Variants in SCAP observed in about 807,000 individuals in gnomAD.
The protein encoded by SCAP is SREBF chaperone, also known as sterol regulatory element-binding protein cleavage-activating protein.
Under a neutral mutation model 123.6 loss-of-function variants are expected in SCAP, and 65 were observed. The observed-to-expected ratio is 0.53, with a 90% CI of 0.43 to 0.65. SCAP has a LOEUF of 0.65. SCAP is among the 30% of genes least tolerant of loss of function. The probability of loss-of-function intolerance (pLI) is 0.00; values close to 1 mark genes in which losing one functional copy is unlikely to be tolerated. For missense variants in SCAP, 1,398 were observed against 1,712.5 expected, an observed-to-expected ratio of 0.82 and a Z score of 3.24; for synonymous variants, 740 against 726.3, an observed-to-expected ratio of 1.02 and a Z score of -0.30.
intron 1 of SCAP, among the ~76,000 whole-genome samples, chr3:47,459,817 G>A (rs548817178): frequency 9.2e-5 from 14 of 152,226 alleles, no homozygotes; most frequent in Admixed American, 2.0e-4. Context: ...GCAGAGAACC[G>A]GTCTGACCTC....
chr3:47,475,380 T>C (rs1201382571), intron 1 of SCAP: 1 of 152,252 alleles, frequency 6.6e-6, no homozygotes, highest in Non-Finnish European at 1.5e-5. Flanking sequence ...GCAACTAGCG[T>C]TGTCTCTCAA....
At chr3:47,422,561 A>G (rs1280874282) in intron 9 of SCAP, 25 bp from the exon 10 acceptor site, 1 of 1,578,926 alleles carries the variant, frequency 6.3e-7, no homozygotes, top group Admixed American at 1.7e-5. Context: ...AACAGGGCAC[A>G]GGGCAACACA....
rs1169935544 is a variant in SCAP, at chr3:47,466,136, CA to C, written c.-99+9662del. Among the ~76,000 whole-genome samples, 638 of 96,114 alleles carry C rather than the reference CA, an allele frequency of 6.6e-3. 13 individuals carry two copies. Among genetic ancestry groups the C allele is most frequent in the African/African-American group, 7.6e-3 (176 of 23,266 alleles). The allele number at this position is 96,114 out of a possible 152,430, so 63.1% of individuals were successfully genotyped here. A position where few individuals can be genotyped will look rare whatever the true frequency, so the allele number is the denominator to read the frequency against. On this transcript the variant is annotated intron_variant, in intron 1 of 22. Coordinates refer to ENST00000265565, the MANE Select transcript of SCAP (RefSeq NM_012235.4). ...AACAGAGTGAGACTGTCTTAAAAAC[CA>C]AAAAAAAAAAAAAAAAAAAAGAAAG...
intron 2 of SCAP, among the ~76,000 whole-genome samples, chr3:47,442,040 C>T (rs1204452949): frequency 6.6e-6 from 1 of 151,982 alleles, no homozygotes; most frequent in Admixed American, 6.6e-5. Context: ...CAGGGAAGAG[C>T]TTGAGATCAT....
At chr3:47,422,378 G>T in intron 10 of SCAP, 64 bp downstream of exon 10, 2 of 1,446,058 alleles carry the variant, frequency 1.4e-6, no homozygotes, top group African/African-American at 1.4e-5. Context: ...GCCCATGGCT[G>T]CACAGCTGGG....
At position 47,414,390 on chromosome 3, in the gene SCAP, G is replaced by A; in HGVS notation, c.3388-4C>T. The A allele has an allele frequency of 6.2e-7, 1 of 1,612,426 alleles. No individual in the cohort carries two copies. The highest frequency in any genetic ancestry group is 8.5e-7 in the Non-Finnish European group (1 of 1,179,974). On this transcript the variant is annotated splice_polypyrimidine_tract_variant and splice_region_variant and intron_variant, in intron 21 of 22. Coordinates refer to ENST00000265565, the MANE Select transcript of SCAP (RefSeq NM_012235.4). ...CTCCACTGGCCAGCACCATGGTCTGGGGAAACAGGCCAGGGGAGTGGGGTC... is the reference window on the plus strand; with the variant it reads ...CTCCACTGGCCAGCACCATGGTCTGAGGAAACAGGCCAGGGGAGTGGGGTC...
intron 1 of SCAP, among the ~76,000 whole-genome samples, chr3:47,455,004 TATC>T (rs1223657352): frequency 6.7e-6 from 1 of 148,596 alleles, no homozygotes; most frequent in Non-Finnish European, 1.5e-5. Flanking sequence ...AAAGTTAAAT[TATC>T]ATTATTTGCA....
Position 47,413,923 on chromosome 3 carries a change from G to A in SCAP, c.3771C>T (p.Ala1257=). The A allele has an allele frequency of 4.3e-6, 7 of 1,613,262 alleles. No homozygotes were observed. Among genetic ancestry groups the A allele is most frequent in the African/African-American group, 1.3e-5 (1 of 75,016 alleles). ...ARQILVLDNA[A]IVCNFGSELS... is the part of the protein sequence containing the mutation. ...GCTCACTGCCAAAGTTGCAGACAAT[G>A]GCAGCGTTGTCCAGCACCAGGATCT... Residue 1257 remains alanine, a synonymous_variant, in exon 23 of 23, where the codon GCC becomes GCT. Coordinates refer to ENST00000265565, the MANE Select transcript of SCAP (RefSeq NM_012235.4).
intron 2 of SCAP, among the ~76,000 whole-genome samples, chr3:47,437,385 G>A (rs1360251437): frequency 7.9e-6 from 1 of 126,670 alleles, no homozygotes; most frequent in Non-Finnish European, 1.6e-5. Flanking sequence ...TGGCGCCACT[G>A]CACTCTAGCC....
Position 47,414,000 on chromosome 3 carries a change from G to C in SCAP, c.3694C>G (p.Leu1232Val). The change falls in exon 23 of 23, where the codon CTG becomes GTG. Residue 1232 changes from leucine (L) to valine (V), a missense_variant. Physicochemically the swap from Leu to Val is conservative, Grantham distance 32 (BLOSUM62 1). Transcript: ENST00000265565. ...VSFWDLNYGDLLQTVYLGKNS... is the reference protein window; with the variant it reads ...VSFWDLNYGDVLQTVYLGKNS... ...TTCCCCAGGTAGACTGTCTGTAACA[G>C]GTCCCCGTAGTTTAGGTCCCAAAAG... is the stretch of plus-strand genomic sequence containing the variant. The C allele has an allele frequency of 6.2e-7, 1 of 1,613,292 alleles. No homozygotes were observed. The highest frequency in any genetic ancestry group is 2.2e-5 in the East Asian group (1 of 44,876).
chr3:47,443,233 T>TAC (rs60723433), intron 1 of SCAP, 142 bp from the exon 2 acceptor site: 39 of 104,816 alleles, frequency 3.7e-4, no homozygotes, highest in African/African-American at 2.1e-3. Flanking sequence ...AATCCCAAAA[T>TAC]ACACACACAC....
chr3:47,419,454 T>A lies in SCAP; in HGVS notation c.1814A>T (p.Glu605Val). The stretch of plus-strand genomic sequence containing the variant: ...TGGGACTGGGCTGTCATGGACAACC[T>A]CTGCTGGACCTCCACGCTCAGGTGA... ...GESPERGGPA[E>V]VVHDSPVPEV... is the part of the protein sequence containing the mutation. The change falls in exon 13 of 23, where the codon GAG becomes GTG. Residue 605 changes from glutamate (E) to valine (V), a missense_variant. By Grantham distance (121) the Glu-to-Val change is moderately radical (BLOSUM62 -2). Coordinates refer to ENST00000265565, the MANE Select transcript of SCAP (RefSeq NM_012235.4). The surrounding 1 kb of genome is among the most constrained non-coding windows in gnomAD (Gnocchi z 5.0). 1 of 1,613,986 alleles carries A rather than the reference T, an allele frequency of 6.2e-7. No homozygotes were observed. Among genetic ancestry groups the A allele is most frequent in the Non-Finnish European group, 8.5e-7 (1 of 1,179,992 alleles).
intron 1 of SCAP, among the ~76,000 whole-genome samples, chr3:47,445,385 T>A (rs575787353): frequency 1.3e-5 from 2 of 151,740 alleles, no homozygotes; most frequent in South Asian, 4.2e-4. Flanking sequence ...TAGCTGGGAT[T>A]ACAAGTGCCC....
chr3:47,474,264 C>CAA lies in SCAP; in HGVS notation c.-99+1533_-99+1534dup, dbSNP rs34683292. On this transcript the variant is annotated intron_variant, in intron 1 of 22. Transcript: ENST00000265565. ...TGGGCGACAGAGCGAGACTCCATCT[C>CAA]AAAAAAAAAAAGAAAGAAAGAAAAG... 3.3e-3 allele frequency among the ~76,000 whole-genome samples: 458 copies of CAA among 137,046 alleles called. 17 individuals carry two copies. The East Asian group carries it at 0.057, about 17-fold the overall frequency. 89.9% of individuals were successfully genotyped at this position (137,046 alleles called of 152,430 possible).
rs543093229 is a variant in SCAP, at chr3:47,426,342, C to T, written c.738-173G>A. Among the ~76,000 whole-genome samples the T allele has an allele frequency of 2.0e-5, 3 of 152,354 alleles. No homozygotes were observed. The South Asian group carries it at 6.2e-4, about 32-fold the overall frequency. On this transcript the variant is annotated intron_variant, in intron 6 of 22. Transcript: ENST00000265565. ...GTCTCCAGGGGCACTGGGAAAATCA[C>T]AAAGGGGACAAAGTTTTCTCAGGAG... is the stretch of plus-strand genomic sequence containing the variant.
At chr3:47,473,859 C>T (rs773608429) in intron 1 of SCAP, among the ~76,000 whole-genome samples, 13 of 152,094 alleles carry the variant, frequency 8.5e-5, no homozygotes, top group Non-Finnish European at 2.9e-5. Context: ...AAACTTTTTA[C>T]CCACCTAATG....
At chr3:47,440,658 C>T (rs1418993236) in intron 2 of SCAP, among the ~76,000 whole-genome samples, 1 of 152,142 alleles carries the variant, frequency 6.6e-6, no homozygotes, top group Non-Finnish European at 1.5e-5. Context: ...ATCACGAGCT[C>T]AGGAGTTTGA....
At chr3:47,437,422 C>CAAAAAAAAAAAAA (rs35011639) in intron 2 of SCAP, among the ~76,000 whole-genome samples, 3 of 63,184 alleles carry the variant, frequency 4.7e-5, no homozygotes, top group African/African-American at 2.1e-4. Flanking sequence ...AACTCAATCT[C>CAAAAAAAAAAAAA]AAAAAAAAAA....
At chr3:47,424,524 TC>T (rs751598399) in intron 8 of SCAP, among the ~76,000 whole-genome samples, 15 of 152,122 alleles carry the variant, frequency 9.9e-5, no homozygotes, top group Non-Finnish European at 1.5e-4. Context: ...GAACGACTGT[TC>T]CTACACAAAG....
Sources: allele counts gnomAD v4.1 joint callset (sites outside exome capture counted in the v4.1 genomes callset), GRCh38; gene constraint gnomAD v4.1.1; non-coding constraint Gnocchi (gnomAD v3.1); transcripts MANE v1.5; gene names NCBI Gene and HGNC (gene_info 2026-07-23, HGNC 2026-07-21).